ZNF385B: variants seen among roughly 807,000 people sequenced by gnomAD.
The protein encoded by ZNF385B is zinc finger protein 385B.
Under a neutral mutation model 39.2 loss-of-function variants are expected in ZNF385B, and 23 were observed. That is an observed-to-expected ratio of 0.59 (90% CI 0.42 to 0.83). The LOEUF (loss-of-function observed/expected upper bound fraction) is 0.83. Ranked by LOEUF, ZNF385B falls within the 40% of genes least tolerant of loss-of-function variation. ZNF385B has a pLI of 0.00. For synonymous variants in ZNF385B, 205 were observed against 222.6 expected (o/e 0.92, Z 0.70); for missense variants, 552 against 598.9 (o/e 0.92, Z 0.82).
intron 1 of ZNF385B, among the ~76,000 whole-genome samples, chr2:179,787,151 T>C: frequency 6.6e-6 from 1 of 152,248 alleles, no homozygotes; most frequent in East Asian, 1.9e-4. Context: ...ACTCTGTCTC[T>C]CAAATATTTA....
intron 3 of ZNF385B, among the ~76,000 whole-genome samples, chr2:179,602,589 G>A (rs1053476178): frequency 3.3e-5 from 5 of 151,964 alleles, no homozygotes; most frequent in East Asian, 1.9e-4. Context: ...TTTAAACTAC[G>A]CAAGGGTTTG....
intron 6 of ZNF385B, among the ~76,000 whole-genome samples, chr2:179,466,393 GA>G (rs200257846): frequency 6.7e-5 from 10 of 149,502 alleles, no homozygotes; most frequent in Admixed American, 2.7e-4. Context: ...AAGCACATGT[GA>G]AAAAAAAAAT....
intron 3 of ZNF385B, among the ~76,000 whole-genome samples, chr2:179,729,352 T>C (rs969562219): frequency 6.6e-6 from 1 of 152,154 alleles, no homozygotes; most frequent in Non-Finnish European, 1.5e-5. Flanking sequence ...CCCAATCTAG[T>C]AGTAAATTCC....
rs1168879299 is a variant in ZNF385B at position 179,493,751 on chromosome 2, A to ATATGTATATATG, written c.553-10318_553-10317insCATATATACATA. On this transcript the variant is annotated intron_variant, in intron 5 of 9. Coordinates refer to ENST00000410066, the MANE Select transcript of ZNF385B (RefSeq NM_152520.6). ...TATACATATATGTATACATATGTGT[A>ATATGTATATATG]TATACATATATGTATACATATATGT... 9.5e-4 allele frequency among the ~76,000 whole-genome samples: 133 copies of ATATGTATATATG among 139,904 alleles called. 16 individuals carry two copies. The South Asian group carries it at 0.013, about 13-fold the overall frequency. 91.8% of individuals were successfully genotyped at this position (139,904 alleles called of 152,430 possible).
chr2:179,502,341 G>A (rs942125462), intron 5 of ZNF385B, among the ~76,000 whole-genome samples: 1 of 152,154 alleles, frequency 6.6e-6, no homozygotes, highest in African/African-American at 2.4e-5. Flanking sequence ...GCAGAGGCCA[G>A]GGGAGGAATA....
chr2:179,765,403 T>C (rs1703630365), intron 3 of ZNF385B, among the ~76,000 whole-genome samples: 1 of 152,072 alleles, frequency 6.6e-6, no homozygotes, highest in Admixed American at 6.6e-5. Flanking sequence ...TTGGGGTGGG[T>C]TGAGGAGGGT....
chr2:179,585,376 G>C (rs1310026662), intron 3 of ZNF385B, among the ~76,000 whole-genome samples: 2 of 152,024 alleles, frequency 1.3e-5, no homozygotes, highest in Non-Finnish European at 2.9e-5. Flanking sequence ...GATTGTTTTT[G>C]CCTTTTAACA....
intron 4 of ZNF385B, among the ~76,000 whole-genome samples, chr2:179,520,266 C>A (rs7594298): frequency 0.75 from 113,312 of 151,754 alleles, 42,712 homozygotes; most frequent in East Asian, 0.91. Context: ...AATTCATAGA[C>A]CTTTCCCCCT....
intron 3 of ZNF385B, among the ~76,000 whole-genome samples, chr2:179,645,549 C>G (rs559106823): frequency 1.3e-5 from 2 of 152,132 alleles, no homozygotes; most frequent in African/African-American, 4.8e-5. Flanking sequence ...TGAGGTGGCC[C>G]CTGGGAACCA....
rs1042027616 is a variant in ZNF385B at position 179,518,827 on chromosome 2, T to C, written c.442-189A>G. Reference sequence around the variant, plus strand: ...TAAAAACAAAAACAAATGACAAAAATGAAAACAAAAAATGGCTTTGAAAAC... The same window carrying C: ...TAAAAACAAAAACAAATGACAAAAACGAAAACAAAAAATGGCTTTGAAAAC... On this transcript the variant is annotated intron_variant, in intron 4 of 9. Transcript: ENST00000410066. Among the ~76,000 whole-genome samples the C allele has an allele frequency of 4.6e-5, 7 of 151,818 alleles. 1 individual carries two copies. The highest frequency in any genetic ancestry group is 1.7e-4 in the African/African-American group (7 of 41,342).
intron 6 of ZNF385B, among the ~76,000 whole-genome samples, chr2:179,453,400 C>A (rs749381508): frequency 1.3e-5 from 2 of 152,062 alleles, no homozygotes; most frequent in Non-Finnish European, 2.9e-5. Flanking sequence ...GCTGCCAGCA[C>A]CCTATCACCC....
intron 3 of ZNF385B, among the ~76,000 whole-genome samples, chr2:179,710,236 A>G (rs891831593): frequency 3.9e-5 from 6 of 152,094 alleles, no homozygotes; most frequent in African/African-American, 1.4e-4. Context: ...ACTAGATGCC[A>G]CCCTTGGGAT....
chr2:179,621,618 G>C (rs944085240), intron 3 of ZNF385B, among the ~76,000 whole-genome samples: 1 of 152,282 alleles, frequency 6.6e-6, no homozygotes, highest in Non-Finnish European at 1.5e-5. Flanking sequence ...TCACACCCCT[G>C]TAAGTTCCCT....
chr2:179,543,826 C>T (rs1333883569), intron 4 of ZNF385B, among the ~76,000 whole-genome samples: 1 of 152,188 alleles, frequency 6.6e-6, no homozygotes, highest in East Asian at 1.9e-4. Flanking sequence ...GAGGGCCTGT[C>T]AGCAGATTTT....
At chr2:179,549,794 C>A (rs771550073) in intron 3 of ZNF385B, among the ~76,000 whole-genome samples, 3 of 149,266 alleles carry the variant, frequency 2.0e-5, no homozygotes, top group African/African-American at 7.6e-5. Context: ...TCTGTAATGG[C>A]AAGTCTTCAG....
chr2:179,763,953 A>T (rs1010098702), intron 3 of ZNF385B, among the ~76,000 whole-genome samples: 1 of 152,212 alleles, frequency 6.6e-6, no homozygotes, highest in African/African-American at 2.4e-5. Context: ...TATTGAGTAG[A>T]GGTCTATATA....
intron 3 of ZNF385B, among the ~76,000 whole-genome samples, chr2:179,752,669 AT>A (rs1268744214): frequency 6.6e-6 from 1 of 152,012 alleles, no homozygotes; most frequent in African/African-American, 2.4e-5. Flanking sequence ...TTTGATTTGC[AT>A]TTCTCTGATG....
chr2:179,651,840 G>A (rs1337474498), intron 3 of ZNF385B, among the ~76,000 whole-genome samples: 1 of 152,162 alleles, frequency 6.6e-6, no homozygotes, highest in Admixed American at 6.6e-5. Flanking sequence ...TGTGGATGTT[G>A]TGGTGAACCT....
intron 3 of ZNF385B, among the ~76,000 whole-genome samples, chr2:179,699,788 T>C (rs1053699381): frequency 6.6e-6 from 1 of 152,218 alleles, no homozygotes; most frequent in African/African-American, 2.4e-5. Flanking sequence ...TGATGGCATA[T>C]ATTTGTGAGT....
Sources: gnomAD v4.1 joint callset for allele counts (sites outside exome capture counted in the v4.1 genomes callset) on GRCh38, gnomAD v4.1.1 for gene constraint, MANE v1.5 for transcripts, NCBI Gene and HGNC (gene_info 2026-07-23, HGNC 2026-07-21) for gene names.